PTPRR: variants seen among roughly 807,000 people sequenced by gnomAD.
PTPRR encodes receptor-type tyrosine-protein phosphatase R.
PTPRR carries 38 observed loss-of-function variants against 77.2 expected under a neutral mutation model. The observed-to-expected ratio is 0.49, with a 90% CI of 0.38 to 0.65. PTPRR has a LOEUF of 0.65. Among genes scored for constraint, PTPRR ranks in the 30% least tolerant of loss-of-function variants. PTPRR has a pLI of 0.00. For synonymous variants in PTPRR, 299 were observed against 283.1 expected (o/e 1.06, Z -0.57); for missense variants, 744 against 799.2 (o/e 0.93, Z 0.83).
chr12:70,844,838 A>G (rs1053736356), intron 2 of PTPRR, among the ~76,000 whole-genome samples: 1 of 152,214 alleles, frequency 6.6e-6, no homozygotes, highest in Non-Finnish European at 1.5e-5. Context: ...TGCACTAGAT[A>G]TCATATGAAA....
intron 2 of PTPRR, among the ~76,000 whole-genome samples, chr12:70,790,797 G>T (rs1025936033): frequency 6.6e-6 from 1 of 152,028 alleles, no homozygotes; most frequent in Non-Finnish European, 1.5e-5. Flanking sequence ...AGCCAAGATA[G>T]CACCACCGCA....
At chr12:70,762,807 C>T (rs929793832) in intron 3 of PTPRR, among the ~76,000 whole-genome samples, 5 of 152,122 alleles carry the variant, frequency 3.3e-5, no homozygotes, top group Non-Finnish European at 2.9e-5. Flanking sequence ...TTGTCTGTCT[C>T]CAAAACACAT....
intron 2 of PTPRR, among the ~76,000 whole-genome samples, chr12:70,765,113 C>T (rs1317877599): frequency 6.6e-6 from 1 of 152,182 alleles, no homozygotes; most frequent in Non-Finnish European, 1.5e-5. Context: ...GCATTTCCAT[C>T]TGAGGTACCA....
chr12:70,739,617 T>C (rs972343013), intron 6 of PTPRR, among the ~76,000 whole-genome samples: 9 of 152,354 alleles, frequency 5.9e-5, no homozygotes, highest in African/African-American at 2.2e-4. Flanking sequence ...AAAATTCTTG[T>C]CATCTGCTGA....
rs541786867 is a variant in PTPRR at position 70,865,189 on chromosome 12, G to A, written c.357+27490C>T. Among the ~76,000 whole-genome samples, 18 of 151,488 alleles carry A rather than the reference G, an allele frequency of 1.2e-4. No homozygotes were observed. The South Asian group carries it at 1.9e-3, about 16-fold the overall frequency. On this transcript the variant is annotated intron_variant, in intron 2 of 13. Transcript: ENST00000283228. ...TCTCTTGCCTGTCGCCATGTAAGAC[G>A]TGCCTTTTGCCTTCTGAGAATGATC...
At chr12:70,647,740 A>T (rs966452419) in intron 13 of PTPRR, among the ~76,000 whole-genome samples, 1 of 152,254 alleles carries the variant, frequency 6.6e-6, no homozygotes, top group Non-Finnish European at 1.5e-5. Flanking sequence ...GTTTAGTACT[A>T]ATGTTATGGA....
chr12:70,725,042 C>T, intron 6 of PTPRR, among the ~76,000 whole-genome samples: 1 of 151,944 alleles, frequency 6.6e-6, no homozygotes, highest in Admixed American at 6.6e-5. Context: ...TGGCCTATTC[C>T]ACCTTCCTGA....
chr12:70,890,695 T>C (rs1893320169), intron 2 of PTPRR, among the ~76,000 whole-genome samples: 1 of 152,118 alleles, frequency 6.6e-6, no homozygotes, highest in African/African-American at 2.4e-5. Context: ...AAATAATTCT[T>C]AGTACCACTG....
intron 2 of PTPRR, among the ~76,000 whole-genome samples, chr12:70,822,809 C>T (rs183806894): frequency 2.8e-4 from 42 of 152,212 alleles, no homozygotes; most frequent in Middle Eastern, 3.4e-3. Flanking sequence ...GGACTTCATA[C>T]GACCATAATT....
chr12:70,728,400 C>T (rs1889525645), intron 6 of PTPRR, among the ~76,000 whole-genome samples: 1 of 137,826 alleles, frequency 7.3e-6, no homozygotes, highest in Non-Finnish European at 1.6e-5. Flanking sequence ...TGGTCCCAAG[C>T]ATTTCGGATA....
chr12:70,712,157 C>T (rs1424634017), intron 6 of PTPRR, among the ~76,000 whole-genome samples: 2 of 151,798 alleles, frequency 1.3e-5, no homozygotes, highest in Non-Finnish European at 2.9e-5. Context: ...TACTCTGTGG[C>T]CACAGATTAT....
chr12:70,723,158 C>T (rs1889319071), intron 6 of PTPRR, among the ~76,000 whole-genome samples: 1 of 152,126 alleles, frequency 6.6e-6, no homozygotes, highest in Admixed American at 6.6e-5. Flanking sequence ...CCAGGGTTTC[C>T]TGTCACCTTG....
chr12:70,671,087 G>A lies in PTPRR; in HGVS notation c.1498-8482C>T, dbSNP rs564698049. On this transcript the variant is annotated intron_variant, in intron 10 of 13. Transcript: ENST00000283228. ...ATAACTCCATCTCCATATGTTTTTT[G>A]GAGGAAATGATTTTTGTCTTTTCCA... Among the ~76,000 whole-genome samples, 5 of 152,204 alleles carry A rather than the reference G, an allele frequency of 3.3e-5. No homozygotes were observed. In the East Asian group the frequency reaches 9.7e-4, roughly 29 times the overall value.
At chr12:70,747,461 C>T (rs1269377257) in intron 5 of PTPRR, among the ~76,000 whole-genome samples, 1 of 152,100 alleles carries the variant, frequency 6.6e-6, no homozygotes, top group Non-Finnish European at 1.5e-5. Flanking sequence ...CATATGAGAA[C>T]ATTTGCTTGC....
At position 70,731,196 on chromosome 12, in the gene PTPRR, T is replaced by C. The variant is rs149359392; in HGVS notation, c.1007+14622A>G. On this transcript the variant is annotated intron_variant, in intron 6 of 13. Transcript: ENST00000283228. ...AAGTGAAATAAACAACTCTCTTCTATGAAACTGTGATGGAAAGTTAAACCA... is the reference window on the plus strand; with the variant it reads ...AAGTGAAATAAACAACTCTCTTCTACGAAACTGTGATGGAAAGTTAAACCA... 8.5e-5 allele frequency among the ~76,000 whole-genome samples: 13 copies of C among 152,128 alleles called. No individual in the cohort carries two copies. In the East Asian group the frequency reaches 1.4e-3, roughly 16 times the overall value.
chr12:70,747,409 T>C (rs1044257616), intron 5 of PTPRR, among the ~76,000 whole-genome samples: 3 of 152,216 alleles, frequency 2.0e-5, no homozygotes, highest in Non-Finnish European at 4.4e-5. Context: ...AGATAAGGCA[T>C]ATATTATATA....
At position 70,638,950 on chromosome 12, in the gene PTPRR, T is replaced by C. The variant is rs1397919416; in HGVS notation, c.*234A>G. 3 of 530,624 alleles carry C rather than the reference T, an allele frequency of 5.7e-6. No individual in the cohort carries two copies. The East Asian group carries it at 9.6e-5, about 17-fold the overall frequency. The allele number at this position is 530,624 out of a possible 1,614,324, so 32.9% of individuals were successfully genotyped here. On this transcript the variant is annotated 3_prime_UTR_variant, in exon 14 of 14. Coordinates refer to ENST00000283228, the MANE Select transcript of PTPRR (RefSeq NM_002849.4). ...CTTAGGCTGTGTGATAAACCTATCATACCTCCATCATCAAAAAACCTTCAG... is the reference window on the plus strand; with the variant it reads ...CTTAGGCTGTGTGATAAACCTATCACACCTCCATCATCAAAAAACCTTCAG...
At chr12:70,716,165 T>G (rs1889021211) in intron 6 of PTPRR, among the ~76,000 whole-genome samples, 1 of 152,204 alleles carries the variant, frequency 6.6e-6, no homozygotes. Context: ...CTCTTTTATC[T>G]ATCAGCTTCT....
At chr12:70,879,023 G>A (rs1215463614) in intron 2 of PTPRR, among the ~76,000 whole-genome samples, 2 of 152,066 alleles carry the variant, frequency 1.3e-5, no homozygotes, top group African/African-American at 4.8e-5. Context: ...AACACCACAT[G>A]TTCTCACTCA....
Sources: gnomAD v4.1 joint callset for allele counts (sites outside exome capture counted in the v4.1 genomes callset) on GRCh38, gnomAD v4.1.1 for gene constraint, MANE v1.5 for transcripts, NCBI Gene and HGNC (gene_info 2026-07-23, HGNC 2026-07-21) for gene names.